Variants in RAF1 observed in about 807,000 individuals in gnomAD.
The protein encoded by RAF1 is RAF proto-oncogene serine/threonine-protein kinase.
In RAF1, 27 loss-of-function variants were observed where a neutral mutation model predicts 81.1. That is an observed-to-expected ratio of 0.33 (90% confidence interval 0.25 to 0.46). RAF1 has a LOEUF of 0.46. Ranked by LOEUF, RAF1 falls within the 20% of genes least tolerant of loss-of-function variation. The pLI is 1.00. For synonymous variants in RAF1, 298 were observed against 294.0 expected (o/e 1.01, Z -0.14); for missense variants, 598 against 826.0 (o/e 0.72, Z 3.38).
chr3:12,596,399 G>A (rs930690734), intron 11 of RAF1, among the ~76,000 whole-genome samples: 2 of 151,752 alleles, frequency 1.3e-5, no homozygotes, highest in Admixed American at 6.6e-5. Context: ...TCACCATGTC[G>A]GTCAGGCTGG....
At chr3:12,628,191 T>C (rs2059761538) in intron 1 of RAF1, among the ~76,000 whole-genome samples, 1 of 152,234 alleles carries the variant, frequency 6.6e-6, no homozygotes, top group East Asian at 1.9e-4. Context: ...CCAGGTGCGG[T>C]AGTTCATGCC....
intron 1 of RAF1, among the ~76,000 whole-genome samples, chr3:12,639,703 C>T (rs1458321460): frequency 2.0e-5 from 3 of 152,148 alleles, no homozygotes; most frequent in African/African-American, 7.2e-5. Flanking sequence ...CTACAAACCA[C>T]TGCTCAACAA....
At chr3:12,652,913 C>A (rs2060575451) in intron 1 of RAF1, among the ~76,000 whole-genome samples, 1 of 151,422 alleles carries the variant, frequency 6.6e-6, no homozygotes, top group Non-Finnish European at 1.5e-5. Flanking sequence ...TGCACTCCAG[C>A]CTGGGCAAGA....
intron 11 of RAF1, among the ~76,000 whole-genome samples, chr3:12,597,736 G>A (rs903318422): frequency 4.6e-5 from 7 of 151,928 alleles, no homozygotes; most frequent in African/African-American, 4.8e-5. Context: ...GAAACATGGC[G>A]AAACCCCATC....
chr3:12,661,585 C>G (rs1486365988), intron 1 of RAF1, among the ~76,000 whole-genome samples: 1 of 151,934 alleles, frequency 6.6e-6, no homozygotes, highest in Non-Finnish European at 1.5e-5. Flanking sequence ...AGTGTGCCTA[C>G]CCAGCTACTC....
At chr3:12,630,460 T>C (rs1295839310) in intron 1 of RAF1, among the ~76,000 whole-genome samples, 2 of 152,046 alleles carry the variant, frequency 1.3e-5, no homozygotes, top group Admixed American at 6.6e-5. Context: ...AATTCCATGA[T>C]AGTGGGTGAT....
At chr3:12,659,760 T>C (rs2060817628) in intron 1 of RAF1, among the ~76,000 whole-genome samples, 3 of 152,196 alleles carry the variant, frequency 2.0e-5, no homozygotes, top group Admixed American at 2.0e-4. Flanking sequence ...TGTCACATTA[T>C]CCACTGCCTT....
intron 1 of RAF1, among the ~76,000 whole-genome samples, chr3:12,628,809 T>C (rs1378304213): frequency 6.8e-6 from 1 of 148,130 alleles, no homozygotes; most frequent in Non-Finnish European, 1.5e-5. Flanking sequence ...TAGAGGGCAG[T>C]GGTGCAATCT....
intron 1 of RAF1, among the ~76,000 whole-genome samples, chr3:12,631,581 ACAGT>A (rs1173011373): frequency 6.6e-6 from 1 of 152,250 alleles, no homozygotes; most frequent in African/African-American, 2.4e-5. Context: ...CCTAGGCGAC[ACAGT>A]GAGACTCCAT....
At chr3:12,654,392 A>G (rs1396454066) in intron 1 of RAF1, among the ~76,000 whole-genome samples, 1 of 152,098 alleles carries the variant, frequency 6.6e-6, no homozygotes, top group Non-Finnish European at 1.5e-5. Flanking sequence ...ACTTGAGCTC[A>G]GCACTTCGAC....
At chr3:12,635,590 C>T (rs1171113266) in intron 1 of RAF1, among the ~76,000 whole-genome samples, 1 of 136,448 alleles carries the variant, frequency 7.3e-6, no homozygotes, top group East Asian at 2.2e-4. Context: ...GAGCCGAGAT[C>T]GTGCCATTGC....
At chr3:12,625,795 A>G (rs992716127) in intron 1 of RAF1, among the ~76,000 whole-genome samples, 4 of 152,174 alleles carry the variant, frequency 2.6e-5, no homozygotes, top group African/African-American at 9.7e-5. Context: ...GAGCCACTGA[A>G]GTCCACCTGG....
At chr3:12,643,746 A>T (rs1164900810) in intron 1 of RAF1, among the ~76,000 whole-genome samples, 2 of 152,088 alleles carry the variant, frequency 1.3e-5, no homozygotes, top group South Asian at 2.1e-4. Flanking sequence ...CAAAAAAAAA[A>T]AAATAAAAAT....
At chr3:12,649,143 G>GA (rs1267452264) in intron 1 of RAF1, among the ~76,000 whole-genome samples, 2 of 151,978 alleles carry the variant, frequency 1.3e-5, no homozygotes, top group African/African-American at 4.8e-5. Flanking sequence ...AAAAGAAAAA[G>GA]AAAAATTCCC....
chr3:12,614,513 C>A (rs893759632), intron 2 of RAF1, among the ~76,000 whole-genome samples: 7 of 151,922 alleles, frequency 4.6e-5, no homozygotes, highest in African/African-American at 1.7e-4. Flanking sequence ...ACACATGTAC[C>A]CTTTACCACC....
At position 12,618,708 on chromosome 3, in the gene RAF1, T is replaced by C. The variant is rs2059454121; in HGVS notation, c.14A>G (p.Gln5Arg). The C allele has an allele frequency of 6.2e-7, 1 of 1,614,206 alleles. No individual in the cohort carries two copies. The highest frequency in any genetic ancestry group is 8.5e-7 in the Non-Finnish European group (1 of 1,180,034). Residue 5 changes from glutamine (Q) to arginine (R), a missense_variant, in exon 2 of 18, where the codon CAG (glutamine) becomes CGG (arginine). This residue lies in a region of RAF1 where 83 missense variants were observed against 72.3 expected (regional missense o/e 1.15). Transcript: ENST00000442415. ...ATTGCTGATCGTCTTCCAAGCTCCC[T>C]GTATGTGCTCCATTGATGCAGCTTA...
At chr3:12,651,588 C>T (rs941856576) in intron 1 of RAF1, among the ~76,000 whole-genome samples, 2 of 149,428 alleles carry the variant, frequency 1.3e-5, no homozygotes, top group African/African-American at 2.5e-5. Flanking sequence ...GAGCTGAGAT[C>T]GGTTGCCGTG....
intron 1 of RAF1, among the ~76,000 whole-genome samples, chr3:12,626,523 C>T (rs1421590393): frequency 6.6e-6 from 1 of 150,406 alleles, no homozygotes. Flanking sequence ...CAAAGGAGGT[C>T]GAAGCTGCAG....
chr3:12,585,194 G>A lies in RAF1; in HGVS notation c.1656C>T (p.Tyr552=), dbSNP rs767078519. ...GTTCATACAATACGATGCCATAGGA[G>A]TAGACATCCGACTGGAAACTGAATG... The change falls in exon 16 of 18, where the codon TAC becomes TAT. Residue 552 remains tyrosine (Y), a synonymous_variant. Transcript: ENST00000442415. 2 of 1,614,182 alleles carry A rather than the reference G, an allele frequency of 1.2e-6. No homozygotes were observed. Among genetic ancestry groups the A allele is most frequent in the Non-Finnish European group, 1.7e-6 (2 of 1,180,036 alleles).
Sources: gnomAD v4.1 joint callset for allele counts (sites outside exome capture counted in the v4.1 genomes callset) on GRCh38, gnomAD v4.1.1 for gene constraint, gnomAD v4.1.1 regional missense constraint, MANE v1.5 for transcripts, NCBI Gene and HGNC (gene_info 2026-07-23, HGNC 2026-07-21) for gene names.